The following CSMD1 variants were observed in gnomAD, a reference collection of about 807,000 sequenced individuals.
CSMD1 encodes the protein CUB and Sushi multiple domains 1.
Under a neutral mutation model 417.5 loss-of-function variants are expected in CSMD1, and 213 were observed. That is an observed-to-expected ratio of 0.51 (90% CI 0.46 to 0.57). The LOEUF (loss-of-function observed/expected upper bound fraction) is 0.57. CSMD1 is among the 20% of genes least tolerant of loss of function. The pLI, the probability that CSMD1 is intolerant of heterozygous loss-of-function variation, is 0.00. For synonymous variants in CSMD1, 2,862 were observed against 1,736.8 expected, an observed-to-expected ratio of 1.65 and a Z score of -16.11; for missense variants, 6,923 against 4,529.7, an observed-to-expected ratio of 1.53 and a Z score of -15.17.
At chr8:3,216,400 C>T (rs1797882659) in intron 29 of CSMD1, among the ~76,000 whole-genome samples, 1 of 152,056 alleles carries the variant, frequency 6.6e-6, no homozygotes, top group Middle Eastern at 3.2e-3. Flanking sequence ...AATATTTTCC[C>T]CTATTGAAAA....
intron 5 of CSMD1, among the ~76,000 whole-genome samples, chr8:3,817,346 T>C (rs1254754993): frequency 7.3e-6 from 1 of 136,116 alleles, no homozygotes; most frequent in Non-Finnish European, 1.5e-5. Context: ...AGTGGCGGGA[T>C]CTTGGCTCAC....
At chr8:4,831,258 G>C (rs186498750) in intron 1 of CSMD1, among the ~76,000 whole-genome samples, 19 of 152,154 alleles carry the variant, frequency 1.2e-4, no homozygotes, top group Admixed American at 3.9e-4. Context: ...GCATATTGTA[G>C]GTTTGACTGG....
At chr8:4,453,504 G>A in intron 2 of CSMD1, among the ~76,000 whole-genome samples, 1 of 152,290 alleles carries the variant, frequency 6.6e-6, no homozygotes, top group Middle Eastern at 3.4e-3. Flanking sequence ...GCATCCTTCA[G>A]GCCTTCTTGC....
chr8:3,439,307 A>ATTTTTTTT (rs1356132702), intron 12 of CSMD1, among the ~76,000 whole-genome samples: 2 of 43,806 alleles, frequency 4.6e-5, no homozygotes, highest in East Asian at 1.0e-3. Context: ...ATATATATAT[A>ATTTTTTTT]TATTTTTTTT....
intron 5 of CSMD1, among the ~76,000 whole-genome samples, chr8:3,889,493 A>ATATATATATAT (rs1491523329): frequency 2.0e-4 from 9 of 44,378 alleles, no homozygotes; most frequent in South Asian, 9.3e-4. Context: ...ATATATATAT[A>ATATATATATAT]AAATATGCTC....
At chr8:3,790,523 G>C (rs1187794025) in intron 5 of CSMD1, among the ~76,000 whole-genome samples, 2 of 152,200 alleles carry the variant, frequency 1.3e-5, no homozygotes, top group African/African-American at 4.8e-5. Flanking sequence ...TGATAACCGT[G>C]TGATGGTGAT....
chr8:3,850,062 T>A (rs529302620), intron 5 of CSMD1, among the ~76,000 whole-genome samples: 1 of 152,170 alleles, frequency 6.6e-6, no homozygotes, highest in African/African-American at 2.4e-5. Flanking sequence ...TCTCAAAGTG[T>A]TGGGATTACA....
At chr8:4,555,737 C>T (rs1798060533) in intron 2 of CSMD1, among the ~76,000 whole-genome samples, 1 of 152,080 alleles carries the variant, frequency 6.6e-6, no homozygotes, top group Non-Finnish European at 1.5e-5. Flanking sequence ...TCAGGGAAAC[C>T]ATAAGAAAGT....
intron 5 of CSMD1, among the ~76,000 whole-genome samples, chr8:3,983,382 G>C (rs1049959091): frequency 6.6e-6 from 1 of 151,890 alleles, no homozygotes; most frequent in Non-Finnish European, 1.5e-5. Flanking sequence ...CCTCTTTCTT[G>C]CCCTCCCAAA....
chr8:3,522,065 T>A (rs866626496), intron 10 of CSMD1, among the ~76,000 whole-genome samples: 8 of 152,244 alleles, frequency 5.3e-5, no homozygotes, highest in African/African-American at 1.9e-4. Context: ...TTTCTCCTTA[T>A]AGATATTTGG....
intron 5 of CSMD1, among the ~76,000 whole-genome samples, chr8:3,970,209 T>G (rs924518624): frequency 1.3e-5 from 2 of 152,154 alleles, no homozygotes; most frequent in African/African-American, 4.8e-5. Flanking sequence ...TTTTACAAAC[T>G]AAATGCATGC....
intron 25 of CSMD1, among the ~76,000 whole-genome samples, chr8:3,290,701 C>A (rs1343985734): frequency 6.8e-6 from 1 of 147,204 alleles, no homozygotes. Flanking sequence ...GCTGAAGTTG[C>A]TTATCAGCTT....
intron 1 of CSMD1, among the ~76,000 whole-genome samples, chr8:4,709,566 C>G (rs566847112): frequency 1.4e-4 from 21 of 152,286 alleles, no homozygotes; most frequent in Admixed American, 1.4e-3. Flanking sequence ...CGTTGCTCAC[C>G]GTGGATGGGA....
At chr8:3,289,592 T>C (rs1803400578) in intron 25 of CSMD1, among the ~76,000 whole-genome samples, 1 of 145,474 alleles carries the variant, frequency 6.9e-6, no homozygotes, top group African/African-American at 2.8e-5. Context: ...ATGAGCATTT[T>C]TTCATGTGTC....
At chr8:4,713,838 T>C (rs1471045992) in intron 1 of CSMD1, among the ~76,000 whole-genome samples, 2 of 152,100 alleles carry the variant, frequency 1.3e-5, no homozygotes, top group African/African-American at 4.8e-5. Flanking sequence ...GTCCTTTTAA[T>C]TTTCCTATCT....
chr8:3,690,180 A>G (rs1800162600), intron 7 of CSMD1, among the ~76,000 whole-genome samples: 1 of 152,150 alleles, frequency 6.6e-6, no homozygotes, highest in Non-Finnish European at 1.5e-5. Flanking sequence ...GCAACAGGGC[A>G]AGGCCCTGTC....
chr8:4,695,108 G>A (rs563233929), intron 1 of CSMD1, among the ~76,000 whole-genome samples: 20 of 149,132 alleles, frequency 1.3e-4, no homozygotes, highest in African/African-American at 4.9e-4. Context: ...CTTAAGCCTG[G>A]GGTCTGAACT....
chr8:3,480,786 A>T (rs981352851), intron 11 of CSMD1, among the ~76,000 whole-genome samples: 2 of 152,184 alleles, frequency 1.3e-5, no homozygotes, highest in African/African-American at 4.8e-5. Flanking sequence ...CAAATTCTAT[A>T]TTCAGTGAAT....
intron 25 of CSMD1, among the ~76,000 whole-genome samples, chr8:3,292,571 C>G (rs1803659959): frequency 6.6e-6 from 1 of 152,158 alleles, no homozygotes; most frequent in African/African-American, 2.4e-5. Context: ...GATCCCTTTA[C>G]CATTATGTAA....
Sources: gnomAD v4.1 joint callset for allele counts (sites outside exome capture counted in the v4.1 genomes callset) on GRCh38, gnomAD v4.1.1 for gene constraint, MANE v1.5 for transcripts, NCBI Gene and HGNC (gene_info 2026-07-23, HGNC 2026-07-21) for gene names.